Variants in NUP98 observed in about 807,000 individuals in gnomAD.
The protein encoded by NUP98 is nuclear pore complex protein Nup98-Nup96.
A neutral mutation model predicts 191.9 loss-of-function variants in NUP98; 26 were observed. The observed-to-expected ratio is 0.14, with a 90% confidence interval of 0.10 to 0.19. The LOEUF (loss-of-function observed/expected upper bound fraction) is 0.19, where lower values mean the gene tolerates loss of function less well. NUP98 is among the 10% of genes least tolerant of loss of function. The pLI is 1.00. For missense variants in NUP98, 1,941 were observed against 2,178.8 expected (o/e 0.89, Z 2.17); for synonymous variants, 808 against 778.4 (o/e 1.04, Z -0.63).
intron 8 of NUP98, among the ~76,000 whole-genome samples, chr11:3,765,401 AT>A (rs888769050): frequency 6.6e-6 from 1 of 151,964 alleles, no homozygotes; most frequent in African/African-American, 2.4e-5. Context: ...CAACTTATCT[AT>A]TTTTTCTTTT....
chr11:3,693,712 T>A lies in NUP98; in HGVS notation c.4168-337A>T, dbSNP rs528668753. Among the ~76,000 whole-genome samples, 25 of 152,268 alleles carry A rather than the reference T, an allele frequency of 1.6e-4. No individual in the cohort carries two copies. The South Asian group carries it at 5.2e-3, about 32-fold the overall frequency. The stretch of plus-strand genomic sequence containing the variant: ...CTGGTCCCAGGATTTAATCAATCAA[T>A]CAGTACTCAAATGAGATGAGAGCCA... On this transcript the variant is annotated intron_variant, in intron 26 of 32. Transcript: ENST00000324932.
intron 10 of NUP98, among the ~76,000 whole-genome samples, chr11:3,758,124 T>C (rs1404382139): frequency 6.6e-6 from 1 of 151,270 alleles, no homozygotes; most frequent in Non-Finnish European, 1.5e-5. Flanking sequence ...GAGACCATCC[T>C]GGCTAACATG....
intron 24 of NUP98, among the ~76,000 whole-genome samples, chr11:3,700,263 C>T (rs1476503013): frequency 3.6e-5 from 4 of 112,212 alleles, no homozygotes; most frequent in African/African-American, 7.3e-5. Flanking sequence ...AGTGAGACTC[C>T]GTCTCAAAAA....
At chr11:3,712,191 A>G (rs2134165513) in intron 20 of NUP98, 1 of 1,071,414 alleles carries the variant, frequency 9.3e-7, no homozygotes, top group South Asian at 4.6e-5. Flanking sequence ...GGAGGTAAAG[A>G]AAAAGATTAA....
At chr11:3,682,515 C>T (rs1418200531) in intron 30 of NUP98, among the ~76,000 whole-genome samples, 2 of 152,042 alleles carry the variant, frequency 1.3e-5, no homozygotes, top group Non-Finnish European at 2.9e-5. Context: ...TAGGAAGGCC[C>T]AAAGAGAGGG....
intron 15 of NUP98, among the ~76,000 whole-genome samples, chr11:3,724,405 C>T (rs1174470241): frequency 6.7e-6 from 1 of 148,948 alleles, no homozygotes; most frequent in African/African-American, 2.5e-5. Context: ...CACTGCACTC[C>T]AGCCTGGGTA....
At chr11:3,763,935 A>G (rs1194205706) in intron 8 of NUP98, among the ~76,000 whole-genome samples, 1 of 152,254 alleles carries the variant, frequency 6.6e-6, no homozygotes, top group East Asian at 1.9e-4. Flanking sequence ...GCATTAATAA[A>G]GGAAAAATAT....
rs974688696 is a variant in NUP98, at chr11:3,767,098, T to A, written c.948+1483A>T. Reference sequence around the variant, plus strand: ...TCCTGCCTCAGCCTCCTGCGTAGCTTGGATTAGTCACCCGCCACCCAGCCC... The same window carrying A: ...TCCTGCCTCAGCCTCCTGCGTAGCTAGGATTAGTCACCCGCCACCCAGCCC... On this transcript the variant is annotated intron_variant, in intron 8 of 32. Transcript: ENST00000324932. Among the ~76,000 whole-genome samples the A allele has an allele frequency of 2.0e-5, 3 of 151,998 alleles. No homozygotes were observed. In the East Asian group the frequency reaches 5.8e-4, roughly 29 times the overall value.
chr11:3,740,239 G>A (rs113821965), intron 12 of NUP98, among the ~76,000 whole-genome samples: 2,288 of 152,190 alleles, frequency 0.015, 51 homozygotes, highest in African/African-American at 0.05. Flanking sequence ...AGCCAGGCGC[G>A]GTGGCTCACA....
rs1351574272 is a variant in NUP98, at chr11:3,744,627, A to T, written c.1290T>A (p.Ser430=). ...FGTALGAGQA[S]LFGNNQPKIG... ...TCTTAGGTTGGTTGTTCCCAAACAA[A>T]GATGCCTGTCCAGCACCAAGAGCTA... Residue 430 remains serine (S), a synonymous_variant, in exon 12 of 33, where the codon TCT becomes TCA. Transcript: ENST00000324932. 1 of 1,613,396 alleles carries T rather than the reference A, an allele frequency of 6.2e-7. No homozygotes were observed. Among genetic ancestry groups the T allele is most frequent in the African/African-American group, 1.3e-5 (1 of 75,038 alleles).
In NUP98 at chr11:3,691,420, T is replaced by C; in HGVS notation, c.4381A>G (p.Ile1461Val). The change falls in exon 28 of 33, where the codon ATA (isoleucine) becomes GTA (valine). Residue 1461 changes from isoleucine (I) to valine (V), a missense_variant. Around this residue, in one of 6 missense-constraint regions of NUP98, gnomAD observed 1,030 missense variants for 1,115.8 expected, o/e 0.92. Coordinates refer to ENST00000324932, the MANE Select transcript of NUP98 (RefSeq NM_016320.5). ...GTCTGTGAGTTTTGCTCCTCCGCTA[T>C]CACACAGCCAGAACCCTCCAGATAC... ...PSYLEGSGCVIAEEQNSQTPL... is the reference protein window; with the variant it reads ...PSYLEGSGCVVAEEQNSQTPL... 6.2e-7 allele frequency: 1 copy of C among 1,614,166 alleles called. No individual in the cohort carries two copies. Among genetic ancestry groups the C allele is most frequent in the Non-Finnish European group, 8.5e-7 (1 of 1,180,022 alleles).
chr11:3,679,122 CAAAAAAA>C (rs36063275), intron 31 of NUP98, among the ~76,000 whole-genome samples: 4 of 97,314 alleles, frequency 4.1e-5, no homozygotes, highest in African/African-American at 1.2e-4. Context: ...GACTCTGTTC[CAAAAAAA>C]AAAAAAAAAA....
intron 5 of NUP98, among the ~76,000 whole-genome samples, chr11:3,775,429 A>AGGAGGC (rs1391402804): frequency 9.2e-5 from 14 of 152,014 alleles, no homozygotes. Flanking sequence ...ACAGCTACTC[A>AGGAGGC]GGAGGCGGAG....
intron 13 of NUP98, among the ~76,000 whole-genome samples, chr11:3,733,173 A>T (rs1354177733): frequency 6.6e-6 from 1 of 152,182 alleles, no homozygotes; most frequent in Non-Finnish European, 1.5e-5. Context: ...TTCAAAAAGA[A>T]ACTCAGTTCC....
At chr11:3,774,884 G>T (rs896301448) in intron 5 of NUP98, among the ~76,000 whole-genome samples, 2 of 152,038 alleles carry the variant, frequency 1.3e-5, no homozygotes, top group African/African-American at 4.8e-5. Context: ...CTTCAAATTC[G>T]GGGTTGTAAA....
Position 3,770,042 on chromosome 11 carries a change from C to CAA in NUP98, c.785-1300_785-1299dup, listed in dbSNP as rs35812990. Among the ~76,000 whole-genome samples the CAA allele has an allele frequency of 6.6e-3, 846 of 129,114 alleles. 7 individuals carry two copies. The highest frequency in any genetic ancestry group is 0.017 in the African/African-American group (587 of 35,294). 84.7% of individuals were successfully genotyped at this position (129,114 alleles called of 152,430 possible). On this transcript the variant is annotated intron_variant, in intron 7 of 32. Transcript: ENST00000324932. ...TGGGTGACAGAGCGAAACTCCATCT[C>CAA]AAAAAAAAAAAAAACAATTAGGGCT...
At position 3,714,086 on chromosome 11, in the gene NUP98, A is replaced by C. The variant is rs188082043; in HGVS notation, c.2400-91T>G. On this transcript the variant is annotated intron_variant, in intron 18 of 32. Transcript: ENST00000324932. Reference sequence around the variant, plus strand: ...GCCACCTAACACATAAATAGTGAATAATGGTAACTATGCTGCCTTGGAATT... The same window carrying C: ...GCCACCTAACACATAAATAGTGAATCATGGTAACTATGCTGCCTTGGAATT... 4.9e-4 allele frequency: 594 copies of C among 1,222,146 alleles called. 6 individuals are homozygous for C. In the East Asian group the frequency reaches 0.014, roughly 28 times the overall value. The allele number at this position is 1,222,146 out of a possible 1,614,324, so 75.7% of individuals were successfully genotyped here.
In NUP98 at chr11:3,719,401, T is replaced by C. The variant is rs1480858027; in HGVS notation, c.2399+11A>G. On this transcript the variant is annotated intron_variant, in intron 18 of 32. Coordinates refer to ENST00000324932, the MANE Select transcript of NUP98 (RefSeq NM_016320.5). ...TAGCTGATAATTTTCTGTATGTACA[T>C]AAACTCTTACCTATTTAGCCCTTCA... 1.9e-6 allele frequency: 3 copies of C among 1,577,002 alleles called. No homozygotes were observed. The highest frequency in any genetic ancestry group is 2.6e-6 in the Non-Finnish European group (3 of 1,169,386).
rs2134104868 is a variant in NUP98, at chr11:3,700,858, A to G, written c.3513-19T>C. ...AGTTAGGCTACAAGAGCAAATGAGG[A>G]ATAGAATAGAAAATGAACCTAAGAC... On this transcript the variant is annotated intron_variant, in intron 23 of 32. Transcript: ENST00000324932. 6.4e-7 allele frequency: 1 copy of G among 1,550,710 alleles called. No homozygotes were observed. The highest frequency in any genetic ancestry group is 2.2e-5 in the East Asian group (1 of 44,464).
Sources: allele counts gnomAD v4.1 joint callset (sites outside exome capture counted in the v4.1 genomes callset), GRCh38; gene constraint gnomAD v4.1.1; regional missense constraint gnomAD v4.1.1; transcripts MANE v1.5; gene names NCBI Gene and HGNC (gene_info 2026-07-23, HGNC 2026-07-21).